The following SUN1 variants were observed in gnomAD, a reference collection of about 807,000 sequenced individuals.
The protein encoded by SUN1 is Sad1 and UNC84 domain containing 1, also known as SUN domain-containing protein 1.
A neutral mutation model predicts 103.2 loss-of-function variants in SUN1; 61 were observed. That is an observed-to-expected ratio of 0.59 (90% CI 0.48 to 0.73). SUN1 has a LOEUF of 0.73. Among genes scored for constraint, SUN1 ranks in the 30% least tolerant of loss-of-function variants. The pLI is 0.00. For synonymous variants in SUN1, 490 were observed against 425.7 expected (o/e 1.15, Z -1.86); for missense variants, 1,052 against 1,034.6 (o/e 1.02, Z -0.23).
chr7:832,338 C>T (rs1318133826), upstream of SUN1, among the ~76,000 whole-genome samples: 1 of 152,142 alleles, frequency 6.6e-6, no homozygotes, highest in Non-Finnish European at 1.5e-5. Context: ...ACTATGGAAA[C>T]ACTTGTCTCG....
chr7:850,002 A>C (rs1348472269), intron 5 of SUN1: 1 of 1,600,070 alleles, frequency 6.2e-7, no homozygotes, highest in Non-Finnish European at 8.5e-7. Flanking sequence ...CCGGTCGGGC[A>C]GGGACCCTCT....
upstream of SUN1, among the ~76,000 whole-genome samples, chr7:827,673 T>C (rs1793808425): frequency 6.6e-6 from 1 of 151,508 alleles, no homozygotes; most frequent in African/African-American, 2.4e-5. Context: ...GTTTCACCAT[T>C]CACAGGATGG....
upstream of SUN1, among the ~76,000 whole-genome samples, chr7:815,610 A>G (rs1202334039): frequency 6.6e-6 from 1 of 152,168 alleles, no homozygotes; most frequent in Non-Finnish European, 1.5e-5. Context: ...AAAGGTGAAC[A>G]TGATTGTATG....
upstream of SUN1, among the ~76,000 whole-genome samples, chr7:829,548 G>GTTT (rs59608102): frequency 4.2e-5 from 6 of 143,852 alleles, no homozygotes; most frequent in East Asian, 2.1e-4. Flanking sequence ...AAAATAACTG[G>GTTT]TTTTTTTTTT....
rs1433226431 is a variant in SUN1, at chr7:841,997, C to T, written c.318C>T (p.His106=). 2.1e-5 allele frequency: 34 copies of T among 1,614,172 alleles called. No individual in the cohort carries two copies. Among genetic ancestry groups the T allele is most frequent in the Middle Eastern group, 1.6e-4 (1 of 6,062 alleles). The stretch of plus-strand genomic sequence containing the variant: ...ACAAATCAGCTTTTAGTATCAACCA[C>T]GTGTCAAGGCAGGTCACGTCCTCTG... ...STNKSAFSIN[H]VSRQVTSSGV... Residue 106 remains histidine (H), a synonymous_variant, in exon 3 of 19, where the codon CAC becomes CAT. Coordinates refer to ENST00000401592, the MANE Select transcript of SUN1 (RefSeq NM_001130965.3).
chr7:817,256 G>A lies in SUN1; in HGVS notation c.-74+583G>A, dbSNP rs576308686. On this transcript the variant is annotated intron_variant, in intron 1 of 17. Transcript: ENST00000389574. Reference sequence around the variant, plus strand: ...ATCACAGGCGTGAGCCACCGCGCCCGGCTGATAGTCGTATTTTTTGTAGGG... The same window carrying A: ...ATCACAGGCGTGAGCCACCGCGCCCAGCTGATAGTCGTATTTTTTGTAGGG... The A allele has an allele frequency of 2.8e-5, 19 of 677,804 alleles. No homozygotes were observed. In the Admixed American group the frequency reaches 3.3e-4, roughly 12 times the overall value. 42.0% of individuals were successfully genotyped at this position (677,804 alleles called of 1,614,324 possible). A position where few individuals can be genotyped will look rare whatever the true frequency, so the allele number is the denominator to read the frequency against.
chr7:817,569 C>T, intron 1 of SUN1: 1 of 1,516,446 alleles, frequency 6.6e-7, no homozygotes, highest in East Asian at 2.5e-5. Flanking sequence ...GCTCTGATTC[C>T]GGGTGGGAAG....
intron 2 of SUN1, 86 bp downstream of exon 2, chr7:839,072 C>G: frequency 7.4e-7 from 1 of 1,350,970 alleles, no homozygotes; most frequent in South Asian, 1.5e-5. Flanking sequence ...TAAAGCCGCA[C>G]CCTGTCTCGA....
intron 5 of SUN1, chr7:850,237 TGCCCAGGCTG>T (rs1328541517): frequency 1.8e-6 from 1 of 561,536 alleles, no homozygotes; most frequent in Admixed American, 3.2e-5. Context: ...CTCACTCTGT[TGCCCAGGCTG>T]GAGTGCAGTG....
chr7:840,416 G>GCGCTCTGCCGCGCCA (rs1808236406), intron 2 of SUN1, among the ~76,000 whole-genome samples: 1 of 152,188 alleles, frequency 6.6e-6, no homozygotes, highest in Non-Finnish European at 1.5e-5. Context: ...CTGCCACGCC[G>GCGCTCTGCCGCGCCA]CGCTCTGCCG....
Position 854,964 on chromosome 7 carries a change from ACAC to A in SUN1, c.1309_1311del (p.His437del). The A allele has an allele frequency of 6.2e-7, 1 of 1,613,912 alleles. No individual in the cohort carries two copies. The stretch of plus-strand genomic sequence containing the variant: ...ACCAAGAACATGAAGTGCGTATGTC[ACAC>A]TTGGAAGATATTCTGGGAAAACTGA... On this transcript the variant is annotated inframe_deletion, in exon 11 of 19. Transcript: ENST00000401592.
chr7:840,132 C>A (rs1181070296), intron 2 of SUN1, among the ~76,000 whole-genome samples: 1 of 152,170 alleles, frequency 6.6e-6, no homozygotes, highest in Admixed American at 6.5e-5. Flanking sequence ...AGAGCGATGG[C>A]GGAATGGTTG....
chr7:865,377 C>G (rs1835651428), intron 15 of SUN1, among the ~76,000 whole-genome samples: 1 of 152,218 alleles, frequency 6.6e-6, no homozygotes, highest in Non-Finnish European at 1.5e-5. Flanking sequence ...TCCCAAAGTG[C>G]TGGGATTACA....
chr7:862,163 A>C (rs1832744722), intron 15 of SUN1, among the ~76,000 whole-genome samples: 1 of 152,190 alleles, frequency 6.6e-6, no homozygotes, highest in Non-Finnish European at 1.5e-5. Context: ...GGAAATCAAA[A>C]TCTTGGTTTT....
chr7:858,701 T>C (rs1217822235), intron 13 of SUN1, among the ~76,000 whole-genome samples: 3 of 152,232 alleles, frequency 2.0e-5, no homozygotes, highest in East Asian at 3.8e-4. Flanking sequence ...TCTAGACATT[T>C]AGAGCTGCTT....
At chr7:816,444 C>A (rs1289649860), upstream of SUN1, among the ~76,000 whole-genome samples, 1 of 147,820 alleles carries the variant, frequency 6.8e-6, no homozygotes, top group African/African-American at 2.5e-5. Context: ...CCCCTCCCTC[C>A]CTCTCCCCCT....
chr7:825,830 C>T (rs1394273552), intron 1 of SUN1, among the ~76,000 whole-genome samples: 1 of 150,354 alleles, frequency 6.7e-6, no homozygotes, highest in African/African-American at 2.4e-5. Flanking sequence ...TTTTATTAGT[C>T]TCTACATTAT....
chr7:825,560 C>G (rs148158648), intron 1 of SUN1, among the ~76,000 whole-genome samples: 15 of 152,292 alleles, frequency 9.8e-5, no homozygotes, highest in African/African-American at 3.6e-4. Context: ...ACAGCCCTTT[C>G]AAATATTTTT....
chr7:864,880 C>T (rs111762186), intron 15 of SUN1, among the ~76,000 whole-genome samples: 2 of 152,030 alleles, frequency 1.3e-5, no homozygotes, highest in Middle Eastern at 3.2e-3. Flanking sequence ...CCACCCACCT[C>T]GGCCTCCCAA....
Sources: gnomAD v4.1 joint callset for allele counts (sites outside exome capture counted in the v4.1 genomes callset) on GRCh38, gnomAD v4.1.1 for gene constraint, MANE v1.5 for transcripts, NCBI Gene and HGNC (gene_info 2026-07-23, HGNC 2026-07-21) for gene names.